FMNL3: variants seen among roughly 807,000 people sequenced by gnomAD.
The protein encoded by FMNL3 is formin like 3.
FMNL3 carries 57 observed loss-of-function variants against 119.6 expected under a neutral mutation model. The ratio of observed to expected loss-of-function variants is 0.48; its 90% CI spans 0.39 to 0.59. The LOEUF (loss-of-function observed/expected upper bound fraction) is 0.59. Ranked by LOEUF, FMNL3 falls within the 20% of genes least tolerant of loss-of-function variation. The pLI, the probability that FMNL3 is intolerant of heterozygous loss-of-function variation, is 0.00. For synonymous variants in FMNL3, 491 were observed against 507.3 expected, an observed-to-expected ratio of 0.97 and a Z score of 0.43; for missense variants, 1,053 against 1,323.5, an observed-to-expected ratio of 0.80 and a Z score of 3.17.
Position 49,658,548 on chromosome 12 carries a change from T to C in FMNL3, c.499A>G (p.Lys167Glu). Reference protein sequence around the residue: ...LESGDDGAFDKLRSWSRSIED... With the variant: ...LESGDDGAFDELRSWSRSIED... ...ATTGACCTGCTCCAGGACCGGAGTTTGTCAAATGCACCATCGTCACCACTT... is the reference window on the plus strand; with the variant it reads ...ATTGACCTGCTCCAGGACCGGAGTTCGTCAAATGCACCATCGTCACCACTT... Residue 167 changes from lysine to glutamate, a missense_variant, in exon 6 of 26, where the codon AAA becomes GAA. By Grantham distance (56) the Lys-to-Glu change is moderately conservative (BLOSUM62 1). Coordinates refer to ENST00000335154, the MANE Select transcript of FMNL3 (RefSeq NM_175736.5). 3 of 1,613,256 alleles carry C rather than the reference T, an allele frequency of 1.9e-6. No individual in the cohort carries two copies. Among genetic ancestry groups the C allele is most frequent in the Non-Finnish European group, 2.5e-6 (3 of 1,179,558 alleles).
intron 25 of FMNL3, chr12:49,646,625 G>A (rs1943200069): frequency 6.7e-7 from 1 of 1,493,002 alleles, no homozygotes; most frequent in Non-Finnish European, 8.9e-7. Context: ...GGGGGCAGCT[G>A]CGGTGCCCAG....
Position 49,637,629 on chromosome 12 carries a change from T to G in FMNL3, c.*8186A>C, listed in dbSNP as rs373466048. 1 of 1,583,950 alleles carries G rather than the reference T, an allele frequency of 6.3e-7. No individual in the cohort carries two copies. The highest frequency in any genetic ancestry group is 1.7e-5 in the Admixed American group (1 of 59,782). On this transcript the variant is annotated 3_prime_UTR_variant, in exon 26 of 26. Coordinates refer to ENST00000335154, the MANE Select transcript of FMNL3 (RefSeq NM_175736.5). Reference sequence around the variant, plus strand: ...CCTTCTCTGGCCTGGCTTCCTGCCCTGCCAGCCTCTCTGCACCCCCTACTA... The same window carrying G: ...CCTTCTCTGGCCTGGCTTCCTGCCCGGCCAGCCTCTCTGCACCCCCTACTA...
At chr12:49,668,443 C>A (rs778855412) in intron 2 of FMNL3, 28 bp downstream of exon 2, 135 of 1,609,416 alleles carry the variant, frequency 8.4e-5, no homozygotes, top group Non-Finnish European at 1.1e-4. Context: ...CAACTCCCTA[C>A]CTCCCTCCTC....
chr12:49,670,682 AG>A (rs751313885), intron 1 of FMNL3, among the ~76,000 whole-genome samples: 8 of 152,238 alleles, frequency 5.3e-5, no homozygotes, highest in Non-Finnish European at 1.0e-4. Flanking sequence ...GAACTTCCAC[AG>A]GAAAGTGAGG....
At chr12:49,654,405 AT>A (rs1228494881) in intron 10 of FMNL3, 103 bp from the exon 11 acceptor site, 1 of 835,942 alleles carries the variant, frequency 1.2e-6, no homozygotes, top group Non-Finnish European at 1.9e-6. Context: ...CATGTGGATA[AT>A]TACAGGGAGT....
At chr12:49,676,162 T>TCTC (rs1177832773) in intron 1 of FMNL3, among the ~76,000 whole-genome samples, 1 of 152,136 alleles carries the variant, frequency 6.6e-6, no homozygotes, top group Non-Finnish European at 1.5e-5. Flanking sequence ...CCCAACCTCT[T>TCTC]CTCCTCCTCC....
rs1942287759 is a variant in FMNL3, at chr12:49,639,378, G to A, written c.*6437C>T. On this transcript the variant is annotated 3_prime_UTR_variant, in exon 26 of 26. Transcript: ENST00000335154. ...AAGTCCAAGAAGCACTAGATGCTAG[G>A]AGCTGGGTTAGAGGGATGGAAGAGG... 2 of 152,274 alleles carry A rather than the reference G, an allele frequency of 1.3e-5. No homozygotes were observed. Among genetic ancestry groups the A allele is most frequent in the South Asian group, 2.1e-4 (1 of 4,832 alleles). The allele number at this position is 152,274 out of a possible 1,614,324, so 9.4% of individuals were successfully genotyped here. A position where few individuals can be genotyped will look rare whatever the true frequency, so the allele number is the denominator to read the frequency against.
rs755726305 is a variant in FMNL3, at chr12:49,647,603, G to A, written c.2778+100C>T. 2.9e-5 allele frequency: 33 copies of A among 1,122,926 alleles called. No homozygotes were observed. The highest frequency in any genetic ancestry group is 5.5e-5 in the South Asian group (4 of 72,492). The allele number at this position is 1,122,926 out of a possible 1,614,324, so 69.6% of individuals were successfully genotyped here. A position where few individuals can be genotyped will look rare whatever the true frequency, so the allele number is the denominator to read the frequency against. On this transcript the variant is annotated intron_variant, in intron 23 of 25. Coordinates refer to ENST00000335154, the MANE Select transcript of FMNL3 (RefSeq NM_175736.5). This position sits in a 1 kb window ranked among gnomAD's most constrained non-coding sequence, Gnocchi z 4.9. ...TTGCATCGCTCCCTTCCCAGGACTC[G>A]GAGGAGGAGTCGGAAAAGGCCCATA...
intron 8 of FMNL3, 75 bp downstream of exon 8, chr12:49,656,748 T>C (rs1247608776): frequency 7.1e-7 from 1 of 1,407,972 alleles, no homozygotes; most frequent in African/African-American, 1.4e-5. Context: ...AGGCAGAACT[T>C]GTCAGGAATA....
At chr12:49,682,932 G>A (rs913768748) in intron 1 of FMNL3, among the ~76,000 whole-genome samples, 1 of 152,110 alleles carries the variant, frequency 6.6e-6, no homozygotes, top group African/African-American at 2.4e-5. Flanking sequence ...AACCTTTTGG[G>A]GCCAGGGTTT....
chr12:49,651,482 G>A, intron 14 of FMNL3, 32 bp from the exon 15 acceptor site: 1 of 1,439,866 alleles, frequency 6.9e-7, no homozygotes, highest in Non-Finnish European at 9.2e-7. Flanking sequence ...CAGTGACCCA[G>A]GCGTCAAGAG....
intron 1 of FMNL3, among the ~76,000 whole-genome samples, chr12:49,675,215 T>C (rs956624220): frequency 2.6e-5 from 4 of 152,196 alleles, no homozygotes; most frequent in African/African-American, 7.2e-5. Context: ...CAATCTCCGA[T>C]AGGAGCTTCT....
At chr12:49,694,254 T>C (rs1565896959) in intron 1 of FMNL3, among the ~76,000 whole-genome samples, 1 of 152,112 alleles carries the variant, frequency 6.6e-6, no homozygotes, top group South Asian at 2.1e-4. Flanking sequence ...GACTTACTCA[T>C]ACAGTGGGTA....
At chr12:49,658,703 C>G (rs1440558118) in intron 5 of FMNL3, 109 bp from the exon 6 acceptor site, 11 of 1,298,406 alleles carry the variant, frequency 8.5e-6, no homozygotes, top group Non-Finnish European at 1.1e-5. Context: ...TCTAGGGCAA[C>G]AAGCAGCAGG....
intron 1 of FMNL3, among the ~76,000 whole-genome samples, chr12:49,692,712 C>G (rs954451243): frequency 5.9e-5 from 9 of 152,134 alleles, no homozygotes; most frequent in African/African-American, 2.2e-4. Context: ...TTTGGCTGTA[C>G]AGTGATAAGC....
At chr12:49,660,850 A>G (rs1943712492) in intron 5 of FMNL3, among the ~76,000 whole-genome samples, 1 of 152,230 alleles carries the variant, frequency 6.6e-6, no homozygotes. Flanking sequence ...GGTCCCAGCT[A>G]CTCAGCAAGG....
intron 14 of FMNL3, among the ~76,000 whole-genome samples, chr12:49,651,681 T>C (rs1212713830): frequency 6.6e-6 from 1 of 152,224 alleles, no homozygotes; most frequent in Non-Finnish European, 1.5e-5. Flanking sequence ...TCTCCTTGGC[T>C]GTCTTCAAAG....
Position 49,682,093 on chromosome 12 carries a change from CAG to C in FMNL3, c.127-13541_127-13540del, listed in dbSNP as rs560570040. Among the ~76,000 whole-genome samples, 24 of 139,972 alleles carry C rather than the reference CAG, an allele frequency of 1.7e-4. No individual in the cohort carries two copies. In the South Asian group the frequency reaches 4.8e-3, roughly 28 times the overall value. 91.8% of individuals were successfully genotyped at this position (139,972 alleles called of 152,430 possible). Reference sequence around the variant, plus strand: ...CAACCTTTTTTTTTTTTTTTTGAGACAGAGTCTCACTCTGTCGCCCAGGCTGG... The same window carrying C: ...CAACCTTTTTTTTTTTTTTTTGAGACAGTCTCACTCTGTCGCCCAGGCTGG... On this transcript the variant is annotated intron_variant, in intron 1 of 25. Transcript: ENST00000335154.
At chr12:49,678,169 T>A (rs1313184811) in intron 1 of FMNL3, among the ~76,000 whole-genome samples, 1 of 150,674 alleles carries the variant, frequency 6.6e-6, no homozygotes, top group Admixed American at 6.6e-5. Flanking sequence ...GCCTATTTTA[T>A]TTTTTTTGAG....
Sources: allele counts gnomAD v4.1 joint callset (sites outside exome capture counted in the v4.1 genomes callset), GRCh38; gene constraint gnomAD v4.1.1; non-coding constraint Gnocchi (gnomAD v3.1); transcripts MANE v1.5; gene names NCBI Gene and HGNC (gene_info 2026-07-23, HGNC 2026-07-21).